Variants in HUNK observed in about 807,000 individuals in gnomAD.
HUNK encodes the protein hormonally up-regulated Neu-associated kinase.
A neutral mutation model predicts 61.0 loss-of-function variants in HUNK; 21 were observed. That is an observed-to-expected ratio of 0.34 (90% confidence interval 0.24 to 0.50). HUNK has a LOEUF of 0.50. Ranked by LOEUF, HUNK falls within the 20% of genes least tolerant of loss-of-function variation. The pLI is 0.98. For synonymous variants in HUNK, 371 were observed against 386.1 expected (o/e 0.96, Z 0.46); for missense variants, 772 against 945.7 (o/e 0.82, Z 2.41).
intron 1 of HUNK, among the ~76,000 whole-genome samples, chr21:31,895,451 C>A (rs1282307085): frequency 1.3e-5 from 2 of 152,148 alleles, no homozygotes; most frequent in East Asian, 3.9e-4. Context: ...TAATAACGGG[C>A]CTGTGACAAT....
chr21:31,990,758 ACTC>A (rs1481105078), intron 9 of HUNK, among the ~76,000 whole-genome samples: 2 of 151,242 alleles, frequency 1.3e-5, no homozygotes, highest in African/African-American at 2.4e-5. Context: ...CTGATCTTGA[ACTC>A]CTGACCTCAA....
chr21:31,990,517 CTTTATTTATTTATTTA>C (rs3056170), intron 9 of HUNK, among the ~76,000 whole-genome samples: 17 of 142,938 alleles, frequency 1.2e-4, no homozygotes, highest in East Asian at 1.0e-3. Context: ...ATGTTAATCA[CTTTATTTATTTATTTA>C]TTTATTTATT....
At chr21:31,977,628 A>AATAC (rs2053059516) in intron 7 of HUNK, among the ~76,000 whole-genome samples, 1 of 152,218 alleles carries the variant, frequency 6.6e-6, no homozygotes. Context: ...TTCTTAAACA[A>AATAC]ATACATAGCT....
intron 10 of HUNK, among the ~76,000 whole-genome samples, chr21:31,996,493 C>T (rs2053206883): frequency 6.6e-6 from 1 of 152,188 alleles, no homozygotes; most frequent in South Asian, 2.1e-4. Context: ...TCACCTGAGT[C>T]AGAATCCAGC....
intron 8 of HUNK, among the ~76,000 whole-genome samples, chr21:31,986,483 G>A (rs1248790145): frequency 6.6e-6 from 1 of 152,054 alleles, no homozygotes; most frequent in Middle Eastern, 3.2e-3. Context: ...TCTCCTGCCT[G>A]GCCGTCAGAG....
intron 1 of HUNK, among the ~76,000 whole-genome samples, chr21:31,890,234 C>CTTT (rs535992198): frequency 6.8e-6 from 1 of 146,338 alleles, no homozygotes; most frequent in African/African-American, 2.5e-5. Context: ...TTTTAGATAC[C>CTTT]TTTTTTTTTT....
At chr21:31,887,786 T>G (rs571909462) in intron 1 of HUNK, among the ~76,000 whole-genome samples, 1 of 152,336 alleles carries the variant, frequency 6.6e-6, no homozygotes, top group African/African-American at 2.4e-5. Context: ...TCGCCAGCTC[T>G]GTTTAGGGAT....
chr21:32,001,503 A>G lies in HUNK; in HGVS notation c.*2319A>G, dbSNP rs545111909. 3 of 152,614 alleles carry G rather than the reference A, an allele frequency of 2.0e-5. No homozygotes were observed. Among genetic ancestry groups the G allele is most frequent in the East Asian group, 3.9e-4 (2 of 5,172 alleles). 9.5% of individuals were successfully genotyped at this position (152,614 alleles called of 1,614,324 possible). A position where few individuals can be genotyped will look rare whatever the true frequency, so the allele number is the denominator to read the frequency against. On this transcript the variant is annotated 3_prime_UTR_variant, in exon 11 of 11. Transcript: ENST00000270112. ...CCGCCTTGCCGTTAGCTTGTGGAGA[A>G]CGTGCTTCTTATTCCTGGCAGGCTT...
intron 1 of HUNK, among the ~76,000 whole-genome samples, chr21:31,892,988 T>C (rs1246021590): frequency 6.6e-6 from 1 of 152,206 alleles, no homozygotes; most frequent in Non-Finnish European, 1.5e-5. Context: ...CCTCCTGTGT[T>C]TCACTTTTTG....
At chr21:31,889,491 G>A (rs1023935990) in intron 1 of HUNK, among the ~76,000 whole-genome samples, 1 of 152,104 alleles carries the variant, frequency 6.6e-6, no homozygotes, top group Non-Finnish European at 1.5e-5. Flanking sequence ...CTTGTTTCCA[G>A]GTTAAAAATT....
chr21:31,917,921 C>T (rs961704501), intron 1 of HUNK, among the ~76,000 whole-genome samples: 3 of 152,118 alleles, frequency 2.0e-5, no homozygotes, highest in African/African-American at 7.2e-5. Flanking sequence ...CATTTGATAG[C>T]AAAGATTTAA....
At chr21:31,972,699 A>C (rs762676127) in intron 6 of HUNK, among the ~76,000 whole-genome samples, 3 of 152,196 alleles carry the variant, frequency 2.0e-5, no homozygotes, top group Non-Finnish European at 4.4e-5. Context: ...TACACTTTTT[A>C]AGCCAGTAAT....
At chr21:31,890,476 T>G (rs1294965518) in intron 1 of HUNK, among the ~76,000 whole-genome samples, 2 of 152,164 alleles carry the variant, frequency 1.3e-5, no homozygotes, top group Non-Finnish European at 2.9e-5. Context: ...TGATCCACTC[T>G]GCCTTGGCCT....
chr21:31,976,235 T>C (rs1413997534), intron 7 of HUNK, among the ~76,000 whole-genome samples: 2 of 152,132 alleles, frequency 1.3e-5, no homozygotes, highest in East Asian at 3.9e-4. Flanking sequence ...GTGGCTGCCT[T>C]GCTCATAGAA....
At chr21:31,992,701 C>G (rs934135667) in intron 9 of HUNK, among the ~76,000 whole-genome samples, 4 of 152,230 alleles carry the variant, frequency 2.6e-5, no homozygotes, top group African/African-American at 9.6e-5. Flanking sequence ...CTCTGAAGAT[C>G]TGTTTCTGTT....
intron 7 of HUNK, among the ~76,000 whole-genome samples, chr21:31,975,283 G>A (rs1431944058): frequency 6.6e-6 from 1 of 152,162 alleles, no homozygotes; most frequent in African/African-American, 2.4e-5. Context: ...CCACAGCGTG[G>A]GGTGGATGGT....
At chr21:31,998,193 A>G (rs1255617308) in intron 10 of HUNK, among the ~76,000 whole-genome samples, 2 of 152,192 alleles carry the variant, frequency 1.3e-5, no homozygotes, top group Admixed American at 1.3e-4. Context: ...TGCTGGGATC[A>G]CAGGCGTGAG....
At chr21:31,955,079 G>A (rs939601663) in intron 4 of HUNK, among the ~76,000 whole-genome samples, 96 of 152,108 alleles carry the variant, frequency 6.3e-4, no homozygotes, top group African/African-American at 2.2e-3. Flanking sequence ...GAGCCATTGC[G>A]CCTGGCTGAA....
At chr21:31,992,504 C>G (rs1163836811) in intron 9 of HUNK, among the ~76,000 whole-genome samples, 4 of 152,208 alleles carry the variant, frequency 2.6e-5, no homozygotes, top group African/African-American at 9.6e-5. Flanking sequence ...TCTGATCTGC[C>G]TTGGGGGATT....
Sources: gnomAD v4.1 joint callset for allele counts (sites outside exome capture counted in the v4.1 genomes callset) on GRCh38, gnomAD v4.1.1 for gene constraint, MANE v1.5 for transcripts, NCBI Gene and HGNC (gene_info 2026-07-23, HGNC 2026-07-21) for gene names.